The following TASP1 variants were observed in gnomAD, a reference collection of about 807,000 sequenced individuals.
TASP1 encodes taspase 1.
TASP1 carries 16 observed loss-of-function variants against 56.6 expected under a neutral mutation model. That is an observed-to-expected ratio of 0.28 (90% CI 0.19 to 0.43). The LOEUF (loss-of-function observed/expected upper bound fraction) is 0.43. Ranked by LOEUF, TASP1 falls within the 20% of genes least tolerant of loss-of-function variation. The probability of loss-of-function intolerance (pLI) is 1.00; values close to 1 mark genes in which losing one functional copy is unlikely to be tolerated. For missense variants in TASP1, 393 were observed against 511.6 expected, an observed-to-expected ratio of 0.77 and a Z score of 2.24; for synonymous variants, 179 against 184.2, an observed-to-expected ratio of 0.97 and a Z score of 0.23.
chr20:13,339,150 A>C, the TASP1 span, among the ~76,000 whole-genome samples: 27,010 of 152,140 alleles, frequency 0.18, 3,385 homozygotes, highest in African/African-American at 0.34. Flanking sequence ...ATGGCCACAA[A>C]TACATCCTGG....
chr20:13,606,667 C>T (rs1028735196), intron 4 of TASP1, among the ~76,000 whole-genome samples: 20 of 151,866 alleles, frequency 1.3e-4, no homozygotes, highest in African/African-American at 1.2e-4. Context: ...ATTAGCTGGG[C>T]GTGGTAGTGG....
At chr20:13,266,742 G>T in the TASP1 span, among the ~76,000 whole-genome samples, 1 of 152,092 alleles carries the variant, frequency 6.6e-6, no homozygotes, top group Admixed American at 6.6e-5. Flanking sequence ...CTTTCCTAAG[G>T]TATCATTTTC....
At chr20:13,253,896 T>C in the TASP1 span, among the ~76,000 whole-genome samples, 2 of 151,672 alleles carry the variant, frequency 1.3e-5, no homozygotes, top group Non-Finnish European at 2.9e-5. Flanking sequence ...TGTATGTTTA[T>C]ACACACACAT....
chr20:13,606,806 CAA>C (rs71334137), intron 4 of TASP1, among the ~76,000 whole-genome samples: 20 of 75,186 alleles, frequency 2.7e-4, no homozygotes, highest in Admixed American at 5.7e-4. Context: ...GACTCCGTCT[CAA>C]AAAAAAAAAA....
chr20:13,523,772 T>C (rs891912963), intron 10 of TASP1, among the ~76,000 whole-genome samples: 3 of 152,126 alleles, frequency 2.0e-5, no homozygotes, highest in African/African-American at 7.2e-5. Context: ...CAGAAATCCT[T>C]TGGCCTCACA....
chr20:13,468,171 G>C (rs2044337982), intron 11 of TASP1, among the ~76,000 whole-genome samples: 1 of 150,946 alleles, frequency 6.6e-6, no homozygotes, highest in Admixed American at 6.6e-5. Flanking sequence ...TTGATTTTAA[G>C]TGGTTTAAAT....
At chr20:13,388,964 G>A (rs2041185038), downstream of TASP1, among the ~76,000 whole-genome samples, 1 of 152,090 alleles carries the variant, frequency 6.6e-6, no homozygotes, top group Non-Finnish European at 1.5e-5. Context: ...TGATTACATG[G>A]TGCAGGGCAC....
At chr20:13,375,728 C>T in the TASP1 span, among the ~76,000 whole-genome samples, 1 of 152,306 alleles carries the variant, frequency 6.6e-6, no homozygotes, top group African/African-American at 2.4e-5. Flanking sequence ...TAATTCTCCA[C>T]ATTTTCTCCA....
chr20:13,446,958 A>G (rs1234675667), intron 11 of TASP1, among the ~76,000 whole-genome samples: 1 of 152,044 alleles, frequency 6.6e-6, no homozygotes, highest in Non-Finnish European at 1.5e-5. Context: ...ATTGTTACCA[A>G]TTTTGGTTTT....
the TASP1 span, among the ~76,000 whole-genome samples, chr20:13,117,037 C>CTGTGTCT: frequency 6.6e-6 from 1 of 152,218 alleles, no homozygotes; most frequent in Non-Finnish European, 1.5e-5. Flanking sequence ...AAATAAAGTT[C>CTGTGTCT]TGTGTCTTTT....
the TASP1 span, chr20:13,164,902 C>T: frequency 1.6e-5 from 25 of 1,523,328 alleles, no homozygotes; most frequent in East Asian, 3.5e-4. Flanking sequence ...AAAGACTTTG[C>T]GAGAAAGACC....
the TASP1 span, among the ~76,000 whole-genome samples, chr20:13,297,933 T>C: frequency 6.6e-6 from 1 of 152,126 alleles, no homozygotes; most frequent in Non-Finnish European, 1.5e-5. Context: ...TTGAGGCGCC[T>C]TGCCATGTGA....
rs557326444 is a variant in TASP1, at chr20:13,546,773, T to C, written c.675+12235A>G. On this transcript the variant is annotated intron_variant, in intron 8 of 13. Coordinates refer to ENST00000337743, the MANE Select transcript of TASP1 (RefSeq NM_017714.3). The stretch of plus-strand genomic sequence containing the variant: ...TCTTTGGAATGGCCAGTGGAGATTG[T>C]GGGCTGTTTCAAGCTATTATTTTTC... 2.5e-4 allele frequency among the ~76,000 whole-genome samples: 38 copies of C among 152,320 alleles called. No homozygotes were observed. The South Asian group carries it at 3.1e-3, about 12-fold the overall frequency.
At chr20:13,567,381 A>G (rs894455537) in intron 7 of TASP1, among the ~76,000 whole-genome samples, 1 of 152,182 alleles carries the variant, frequency 6.6e-6, no homozygotes, top group Non-Finnish European at 1.5e-5. Context: ...ACATGAGTTT[A>G]CCTATATAAC....
intron 10 of TASP1, among the ~76,000 whole-genome samples, chr20:13,498,512 C>T (rs2043820051): frequency 1.3e-5 from 2 of 152,060 alleles, no homozygotes; most frequent in East Asian, 1.9e-4. Flanking sequence ...GCACCCACCA[C>T]CACGCCCAGC....
intron 10 of TASP1, among the ~76,000 whole-genome samples, chr20:13,512,622 A>T (rs972440157): frequency 1.3e-5 from 2 of 152,058 alleles, no homozygotes; most frequent in Non-Finnish European, 2.9e-5. Context: ...CCCATTTGTC[A>T]ATTTTGGCTT....
chr20:13,636,316 T>A (rs2049307397), intron 1 of TASP1, among the ~76,000 whole-genome samples: 1 of 149,868 alleles, frequency 6.7e-6, no homozygotes. Flanking sequence ...GGGCTAATTT[T>A]TTTTTTTTTT....
chr20:13,221,255 C>CCTG, the TASP1 span, among the ~76,000 whole-genome samples: 1 of 131,146 alleles, frequency 7.6e-6, no homozygotes, highest in Non-Finnish European at 1.5e-5. Flanking sequence ...TCCTCCTCCT[C>CCTG]CTCCTCCTTC....
At chr20:13,448,499 G>T in intron 11 of TASP1, among the ~76,000 whole-genome samples, 1 of 151,676 alleles carries the variant, frequency 6.6e-6, no homozygotes. Flanking sequence ...TTTGCTTTAG[G>T]GTCAGAATGT....
Sources: gnomAD v4.1 joint callset for allele counts (sites outside exome capture counted in the v4.1 genomes callset) on GRCh38, gnomAD v4.1.1 for gene constraint, MANE v1.5 for transcripts, NCBI Gene and HGNC (gene_info 2026-07-23, HGNC 2026-07-21) for gene names.